CALD1: variants seen among roughly 807,000 people sequenced by gnomAD.
The protein encoded by CALD1 is caldesmon.
In CALD1, 33 loss-of-function variants were observed where a neutral mutation model predicts 99.9. The observed-to-expected ratio is 0.33, with a 90% CI of 0.25 to 0.44. The LOEUF (loss-of-function observed/expected upper bound fraction) is 0.44. CALD1 is among the 20% of genes least tolerant of loss of function. The pLI is 1.00. For missense variants in CALD1, 861 were observed against 962.1 expected (o/e 0.89, Z 1.39); for synonymous variants, 310 against 325.0 (o/e 0.95, Z 0.50).
At chr7:134,928,675 C>T (rs1273641344) in intron 3 of CALD1, 79 bp from the exon 4 acceptor site, 1 of 1,407,660 alleles carries the variant, frequency 7.1e-7, no homozygotes, top group African/African-American at 1.4e-5. Flanking sequence ...GAAAAGGGCT[C>T]AGGGCTGTTC....
chr7:134,832,614 A>G (rs1799275289), intron 1 of CALD1, among the ~76,000 whole-genome samples: 1 of 152,232 alleles, frequency 6.6e-6, no homozygotes, highest in Non-Finnish European at 1.5e-5. Context: ...GCCTAAGAAC[A>G]TAATAAGGGC....
intron 1 of CALD1, among the ~76,000 whole-genome samples, chr7:134,825,844 G>C (rs982509698): frequency 5.9e-5 from 9 of 152,094 alleles, no homozygotes; most frequent in Non-Finnish European, 1.2e-4. Flanking sequence ...TCCCTGTACA[G>C]ACTGACCAGA....
intron 1 of CALD1, among the ~76,000 whole-genome samples, chr7:134,761,175 T>C (rs904729420): frequency 1.4e-4 from 21 of 152,184 alleles, no homozygotes; most frequent in African/African-American, 5.1e-4. Context: ...TTCTCCACAG[T>C]TTCATCTAAA....
intron 3 of CALD1, among the ~76,000 whole-genome samples, chr7:134,906,891 G>C (rs1803427020): frequency 1.3e-5 from 2 of 152,152 alleles, no homozygotes; most frequent in Non-Finnish European, 2.9e-5. Flanking sequence ...TATTTGAGCA[G>C]AACTGTGACA....
the CALD1 span, among the ~76,000 whole-genome samples, chr7:134,725,056 T>G: frequency 6.6e-6 from 1 of 152,266 alleles, no homozygotes; most frequent in South Asian, 2.1e-4. Flanking sequence ...CCTTTTCTAT[T>G]TAATTTCTGA....
At chr7:134,944,373 T>C (rs1344048248) in intron 7 of CALD1, 3 of 151,414 alleles carry the variant, frequency 2.0e-5, no homozygotes, top group Admixed American at 2.0e-4. Context: ...TGTTTTGCTC[T>C]ATGCAGTGCA....
chr7:134,758,196 T>C lies in CALD1; in HGVS notation c.-130+13833T>C, dbSNP rs564003422. Among the ~76,000 whole-genome samples the C allele has an allele frequency of 1.6e-4, 24 of 152,342 alleles. No homozygotes were observed. In the South Asian group the frequency reaches 4.3e-3, roughly 28 times the overall value. ...CTTCTTTCCTAAAGCCTGTGTGAGA[T>C]GATGCAAAGCTAAAGTCAAAACTCC... is the stretch of plus-strand genomic sequence containing the variant. On this transcript the variant is annotated intron_variant, in intron 1 of 13. Transcript: ENST00000417172.
chr7:134,941,013 G>T, intron 6 of CALD1, 79 bp from the exon 7 acceptor site: 1 of 1,170,614 alleles, frequency 8.5e-7, no homozygotes, highest in Non-Finnish European at 1.2e-6. Flanking sequence ...AACAATTTTG[G>T]GTCTTACTTG....
intron 1 of CALD1, among the ~76,000 whole-genome samples, chr7:134,798,041 A>G (rs1238389098): frequency 6.6e-6 from 1 of 152,250 alleles, no homozygotes; most frequent in Non-Finnish European, 1.5e-5. Flanking sequence ...TGTCACAAAT[A>G]ATAAAACAAT....
chr7:134,944,223 T>C (rs1806678340), intron 7 of CALD1, among the ~76,000 whole-genome samples: 1 of 152,202 alleles, frequency 6.6e-6, no homozygotes, highest in African/African-American at 2.4e-5. Context: ...AAAGTTTACC[T>C]GTAACTGGCA....
intron 1 of CALD1, among the ~76,000 whole-genome samples, chr7:134,751,963 GAT>G (rs1215322052): frequency 6.6e-5 from 10 of 152,030 alleles, no homozygotes; most frequent in Non-Finnish European, 1.5e-4. Flanking sequence ...GTGACAGAGT[GAT>G]ACCTGTTTCA....
the CALD1 span, among the ~76,000 whole-genome samples, chr7:134,714,501 T>C: frequency 6.6e-6 from 1 of 152,132 alleles, no homozygotes; most frequent in African/African-American, 2.4e-5. Flanking sequence ...CCTGTCTGCC[T>C]CTCTGCATGC....
intron 3 of CALD1, among the ~76,000 whole-genome samples, chr7:134,899,391 C>T (rs998631260): frequency 6.6e-6 from 1 of 151,890 alleles, no homozygotes; most frequent in South Asian, 2.1e-4. Context: ...TTAGTAGAGA[C>T]GGGGTTTCAC....
At chr7:134,798,369 C>T (rs1371817004) in intron 1 of CALD1, among the ~76,000 whole-genome samples, 1 of 152,204 alleles carries the variant, frequency 6.6e-6, no homozygotes, top group Non-Finnish European at 1.5e-5. Context: ...TGTTGGAACC[C>T]TCTTGCTGCT....
intron 9 of CALD1, among the ~76,000 whole-genome samples, chr7:134,952,574 G>T (rs546249818): frequency 6.6e-6 from 1 of 151,330 alleles, no homozygotes; most frequent in Admixed American, 6.6e-5. Flanking sequence ...AGGTTCAAGC[G>T]ATTCTTCTGC....
chr7:134,936,066 A>G (rs1288577500), intron 6 of CALD1, among the ~76,000 whole-genome samples: 1 of 152,206 alleles, frequency 6.6e-6, no homozygotes, highest in Non-Finnish European at 1.5e-5. Context: ...AAAAGGCTTG[A>G]AAAACACTGC....
chr7:134,841,787 G>A (rs1044232929), intron 1 of CALD1, among the ~76,000 whole-genome samples: 3 of 152,052 alleles, frequency 2.0e-5, no homozygotes, highest in African/African-American at 7.3e-5. Context: ...TGTACTCTAC[G>A]AACAGACATA....
the CALD1 span, among the ~76,000 whole-genome samples, chr7:134,728,845 C>CTTTT: frequency 1.0e-3 from 130 of 124,192 alleles, no homozygotes; most frequent in Non-Finnish European, 1.6e-3. Flanking sequence ...TATACCTTTT[C>CTTTT]TTTTTTTTTT....
At chr7:134,917,058 G>C (rs1804260249) in intron 3 of CALD1, among the ~76,000 whole-genome samples, 2 of 152,318 alleles carry the variant, frequency 1.3e-5, no homozygotes, top group South Asian at 4.1e-4. Flanking sequence ...CTGCTCTGGA[G>C]CAGGTGTGAT....
Sources: allele counts gnomAD v4.1 joint callset (sites outside exome capture counted in the v4.1 genomes callset), GRCh38; gene constraint gnomAD v4.1.1; transcripts MANE v1.5; gene names NCBI Gene and HGNC (gene_info 2026-07-23, HGNC 2026-07-21).